ZFP82: variants seen among roughly 807,000 people sequenced by gnomAD.
ZFP82 encodes the protein zinc finger protein 82 homolog.
In ZFP82, 30 loss-of-function variants were observed where a neutral mutation model predicts 54.0. The ratio of observed to expected loss-of-function variants is 0.56; its 90% CI spans 0.42 to 0.75. The LOEUF (loss-of-function observed/expected upper bound fraction) is 0.75. Among genes scored for constraint, ZFP82 ranks in the 30% least tolerant of loss-of-function variants. ZFP82 has a pLI of 0.00. For missense variants in ZFP82, 500 were observed against 636.8 expected, an observed-to-expected ratio of 0.79 and a Z score of 2.31; for synonymous variants, 194 against 209.5, an observed-to-expected ratio of 0.93 and a Z score of 0.64.
At chr19:36,404,425 T>C (rs1399577284) in intron 4 of ZFP82, among the ~76,000 whole-genome samples, 2 of 152,256 alleles carry the variant, frequency 1.3e-5, no homozygotes, top group Non-Finnish European at 2.9e-5. Flanking sequence ...CCTGTTTTTA[T>C]GGTTCCAACA....
At position 36,392,735 on chromosome 19, in the gene ZFP82, ACTTT is replaced by A. The variant is rs764203189; in HGVS notation, c.*2_*5del. 3.4e-5 allele frequency: 52 copies of A among 1,543,896 alleles called. No homozygotes were observed. The highest frequency in any genetic ancestry group is 4.3e-5 in the Non-Finnish European group (50 of 1,152,110). On this transcript the variant is annotated 3_prime_UTR_variant, in exon 5 of 5. Coordinates refer to ENST00000392161, the MANE Select transcript of ZFP82 (RefSeq NM_133466.4). ...GTTCTATAACACAGAAGTTGAAAAG[ACTTT>A]CTTAGATTTTTACATTATGAATTTT...
chr19:36,401,173 G>C (rs766679432), intron 4 of ZFP82, among the ~76,000 whole-genome samples: 1 of 151,310 alleles, frequency 6.6e-6, no homozygotes, highest in Middle Eastern at 3.4e-3. Context: ...GTCAGTTCTC[G>C]GGCCTGCCTG....
Position 36,390,771 on chromosome 19 carries a change from TTTTTG to T in ZFP82, c.*1965_*1969del. On this transcript the variant is annotated 3_prime_UTR_variant, in exon 5 of 5. Transcript: ENST00000392161. ...TCATTTGATCTTTGTTTTGTTTTGT[TTTTTG>T]TTTTTTGTTTGAGACAGAGTCTCGG... The T allele has an allele frequency of 7.0e-6, 1 of 143,180 alleles. No individual in the cohort carries two copies. The highest frequency in any genetic ancestry group is 2.0e-4 in the East Asian group (1 of 4,892). 8.9% of individuals were successfully genotyped at this position (143,180 alleles called of 1,614,324 possible). A position where few individuals can be genotyped will look rare whatever the true frequency, so the allele number is the denominator to read the frequency against.
chr19:36,399,336 A>C (rs2032346911), intron 4 of ZFP82, among the ~76,000 whole-genome samples: 1 of 152,238 alleles, frequency 6.6e-6, no homozygotes. Context: ...CATACTAAGA[A>C]GCTGCTGAGC....
At chr19:36,409,958 A>T in intron 1 of ZFP82, 91 bp from the exon 2 acceptor site, 2 of 647,510 alleles carry the variant, frequency 3.1e-6, no homozygotes, top group South Asian at 3.7e-5. Context: ...CTCTCTTCTG[A>T]TCTCTCCACC....
intron 3 of ZFP82, among the ~76,000 whole-genome samples, chr19:36,407,557 A>G (rs1214009951): frequency 6.6e-6 from 1 of 151,812 alleles, no homozygotes; most frequent in Non-Finnish European, 1.5e-5. Flanking sequence ...TCCCTTACAA[A>G]ATATACCAAC....
chr19:36,417,219 G>C (rs1382096477), intron 1 of ZFP82, among the ~76,000 whole-genome samples: 2 of 151,518 alleles, frequency 1.3e-5, no homozygotes, highest in Non-Finnish European at 2.9e-5. Flanking sequence ...GGCTGATGTA[G>C]AATTGCTCCA....
At chr19:36,411,689 C>A (rs2032582609) in intron 1 of ZFP82, among the ~76,000 whole-genome samples, 1 of 151,918 alleles carries the variant, frequency 6.6e-6, no homozygotes. Context: ...CATGGTGAAA[C>A]CCCGTCTCTA....
rs778257626 is a variant in ZFP82 at position 36,392,715 on chromosome 19, A to G, written c.*26T>C. Reference sequence around the variant, plus strand: ...AATTACTACATTCATAGAATGTTCTATAACACAGAAGTTGAAAAGACTTTC... The same window carrying G: ...AATTACTACATTCATAGAATGTTCTGTAACACAGAAGTTGAAAAGACTTTC... On this transcript the variant is annotated 3_prime_UTR_variant, in exon 5 of 5. Transcript: ENST00000392161. The G allele has an allele frequency of 9.8e-6, 15 of 1,524,642 alleles. No homozygotes were observed. The highest frequency in any genetic ancestry group is 2.2e-5 in the Admixed American group (1 of 45,582). 94.4% of individuals were successfully genotyped at this position (1,524,642 alleles called of 1,614,324 possible). A position where few individuals can be genotyped will look rare whatever the true frequency, so the allele number is the denominator to read the frequency against.
chr19:36,405,264 A>G (rs1488886901), intron 4 of ZFP82, among the ~76,000 whole-genome samples: 1 of 152,184 alleles, frequency 6.6e-6, no homozygotes. Context: ...CAGTGAGCCA[A>G]AGAGAGCACC....
At chr19:36,386,929 C>T (rs547778514), downstream of ZFP82, among the ~76,000 whole-genome samples, 11 of 152,230 alleles carry the variant, frequency 7.2e-5, no homozygotes, top group African/African-American at 1.7e-4. Flanking sequence ...AGCGAGACTC[C>T]GTCTCAAAAA....
At position 36,392,176 on chromosome 19, in the gene ZFP82, G is replaced by A. The variant is rs2032210176; in HGVS notation, c.*565C>T. 1 of 152,598 alleles carries A rather than the reference G, an allele frequency of 6.6e-6. No homozygotes were observed. The highest frequency in any genetic ancestry group is 1.5e-5 in the Non-Finnish European group (1 of 68,086). 9.5% of individuals were successfully genotyped at this position (152,598 alleles called of 1,614,324 possible). On this transcript the variant is annotated 3_prime_UTR_variant, in exon 5 of 5. Coordinates refer to ENST00000392161, the MANE Select transcript of ZFP82 (RefSeq NM_133466.4). ...ATGTCAAGAAGACAGGGTTCAGCAG[G>A]TGCCTCTCCCTCTCTACGTAGTTTC...
At chr19:36,396,780 G>GC (rs2032302489) in intron 4 of ZFP82, among the ~76,000 whole-genome samples, 1 of 151,764 alleles carries the variant, frequency 6.6e-6, no homozygotes, top group African/African-American at 2.4e-5. Flanking sequence ...GGTCAAGGCT[G>GC]CAGTGAGCTC....
At chr19:36,408,264 T>C (rs552827131) in intron 2 of ZFP82, among the ~76,000 whole-genome samples, 5 of 152,096 alleles carry the variant, frequency 3.3e-5, no homozygotes, top group East Asian at 1.9e-4. Flanking sequence ...TAGATACTCC[T>C]GGGAAAGAAA....
At chr19:36,410,291 A>G (rs1200374563) in intron 1 of ZFP82, among the ~76,000 whole-genome samples, 1 of 152,170 alleles carries the variant, frequency 6.6e-6, no homozygotes, top group Non-Finnish European at 1.5e-5. Context: ...AGAATCATCC[A>G]CATTGTTTTC....
chr19:36,413,392 C>T (rs1415336160), intron 1 of ZFP82, among the ~76,000 whole-genome samples: 1 of 151,820 alleles, frequency 6.6e-6, no homozygotes, highest in Non-Finnish European at 1.5e-5. Context: ...GCGTGGGCAA[C>T]AGAGTGAGAT....
intron 4 of ZFP82, among the ~76,000 whole-genome samples, chr19:36,404,986 C>G (rs951494231): frequency 6.6e-6 from 1 of 152,044 alleles, no homozygotes; most frequent in Non-Finnish European, 1.5e-5. Context: ...GAATTCAAGA[C>G]CAGCCTGGCC....
downstream of ZFP82, among the ~76,000 whole-genome samples, chr19:36,386,702 C>T (rs2032119161): frequency 2.0e-5 from 3 of 152,112 alleles, no homozygotes; most frequent in South Asian, 4.1e-4. Flanking sequence ...CTTTGGAGGC[C>T]GAGGCAGGTG....
At chr19:36,414,239 AT>A (rs1453486073) in intron 1 of ZFP82, among the ~76,000 whole-genome samples, 5 of 152,046 alleles carry the variant, frequency 3.3e-5, no homozygotes, top group Non-Finnish European at 7.4e-5. Flanking sequence ...TTGCTGATAA[AT>A]TATCTTTAAC....
Sources: gnomAD v4.1 joint callset for allele counts (sites outside exome capture counted in the v4.1 genomes callset) on GRCh38, gnomAD v4.1.1 for gene constraint, MANE v1.5 for transcripts, NCBI Gene and HGNC (gene_info 2026-07-23, HGNC 2026-07-21) for gene names.